The following PCSK6 variants were observed in gnomAD, a reference collection of about 807,000 sequenced individuals.
PCSK6 encodes paired basic amino acid cleaving enzyme 4.
A neutral mutation model predicts 123.3 loss-of-function variants in PCSK6; 85 were observed. The ratio of observed to expected loss-of-function variants is 0.69; its 90% CI spans 0.58 to 0.83. PCSK6 has a LOEUF of 0.83. Ranked by LOEUF, PCSK6 falls within the 40% of genes least tolerant of loss-of-function variation. PCSK6 has a pLI of 0.00. For synonymous variants in PCSK6, 508 were observed against 516.0 expected, an observed-to-expected ratio of 0.98 and a Z score of 0.21; for missense variants, 1,191 against 1,282.3, an observed-to-expected ratio of 0.93 and a Z score of 1.09.
At chr15:101,408,006 G>T (rs576165647) in intron 6 of PCSK6, among the ~76,000 whole-genome samples, 50 of 152,142 alleles carry the variant, frequency 3.3e-4, no homozygotes, top group Admixed American at 5.2e-4. Flanking sequence ...ACCCTTTCAC[G>T]GTCTCCCCGC....
intron 13 of PCSK6, chr15:101,347,847 C>T: frequency 2.3e-6 from 3 of 1,293,236 alleles, no homozygotes; most frequent in Non-Finnish European, 2.2e-6. Flanking sequence ...CCCAGGGCAA[C>T]AGGAGTGGAG....
intron 13 of PCSK6, among the ~76,000 whole-genome samples, chr15:101,335,929 G>T (rs570735395): frequency 3.3e-5 from 5 of 152,330 alleles, no homozygotes; most frequent in African/African-American, 1.2e-4. Flanking sequence ...ATGGAATACT[G>T]TAGGCAACTG....
chr15:101,453,832 G>T (rs2057102458), intron 1 of PCSK6, among the ~76,000 whole-genome samples: 1 of 152,184 alleles, frequency 6.6e-6, no homozygotes, highest in African/African-American at 2.4e-5. Flanking sequence ...GGGGAGAGAG[G>T]CTCCGGTACG....
intron 6 of PCSK6, among the ~76,000 whole-genome samples, chr15:101,409,418 T>C (rs1456392518): frequency 1.3e-5 from 2 of 152,036 alleles, no homozygotes; most frequent in East Asian, 3.9e-4. Context: ...ACCCCGTCTC[T>C]ACTAAAAAGG....
rs138711600 is a variant in PCSK6, at chr15:101,322,506, C to G, written c.2465+14G>C. On this transcript the variant is annotated intron_variant, in intron 18 of 21. Transcript: ENST00000611716. ...CACCGCCCTGACATTCCTCAGGTTT[C>G]GAGGGGGTTTTACCTGAATCCTTCT... 1.3e-6 allele frequency: 2 copies of G among 1,585,786 alleles called. No individual in the cohort carries two copies. Among genetic ancestry groups the G allele is most frequent in the East Asian group, 4.5e-5 (2 of 44,740 alleles).
intron 11 of PCSK6, among the ~76,000 whole-genome samples, chr15:101,374,129 C>T (rs2041665343): frequency 6.6e-6 from 1 of 152,176 alleles, no homozygotes; most frequent in African/African-American, 2.4e-5. Flanking sequence ...CACGCAGCCA[C>T]ATTTCAACGT....
intron 19 of PCSK6, among the ~76,000 whole-genome samples, chr15:101,316,875 T>C (rs991641933): frequency 1.3e-5 from 2 of 149,662 alleles, no homozygotes; most frequent in Non-Finnish European, 3.0e-5. Flanking sequence ...GGCACAGTAG[T>C]ATCATGGAAA....
At chr15:101,470,386 C>T (rs1052992087) in intron 1 of PCSK6, among the ~76,000 whole-genome samples, 1 of 152,058 alleles carries the variant, frequency 6.6e-6, no homozygotes, top group African/African-American at 2.4e-5. Flanking sequence ...TGTTTCCTTC[C>T]AAGTTTTCTG....
At chr15:101,472,727 A>G (rs1378892899) in intron 1 of PCSK6, among the ~76,000 whole-genome samples, 2 of 152,268 alleles carry the variant, frequency 1.3e-5, no homozygotes, top group African/African-American at 2.4e-5. Context: ...CCTCCAGGAA[A>G]GGAACCAATT....
intron 13 of PCSK6, among the ~76,000 whole-genome samples, chr15:101,362,088 C>A (rs2041243092): frequency 6.6e-6 from 1 of 151,056 alleles, no homozygotes; most frequent in South Asian, 2.1e-4. Context: ...TCCCAAGTAG[C>A]TGGGACTACA....
At chr15:101,444,071 C>T (rs1396883771) in intron 1 of PCSK6, among the ~76,000 whole-genome samples, 3 of 152,196 alleles carry the variant, frequency 2.0e-5, no homozygotes. Context: ...CCCATCCTCT[C>T]CACCCCATGG....
At chr15:101,399,397 G>T (rs1022217476) in intron 6 of PCSK6, among the ~76,000 whole-genome samples, 2 of 152,132 alleles carry the variant, frequency 1.3e-5, no homozygotes, top group African/African-American at 4.8e-5. Context: ...CTTGGACTTC[G>T]CTGGCCAGCT....
intron 17 of PCSK6, among the ~76,000 whole-genome samples, chr15:101,322,814 A>C (rs1404724484): frequency 6.6e-6 from 1 of 152,176 alleles, no homozygotes; most frequent in Admixed American, 6.5e-5. Context: ...TTCTGAGGTA[A>C]AAACGGTCCT....
chr15:101,454,394 T>G (rs1471431504), intron 1 of PCSK6, among the ~76,000 whole-genome samples: 1 of 151,918 alleles, frequency 6.6e-6, no homozygotes, highest in Non-Finnish European at 1.5e-5. Context: ...GCTGGTTGAG[T>G]GGATCGACAA....
At chr15:101,429,956 G>C (rs1356314630) in intron 5 of PCSK6, 31 bp downstream of exon 5, 5 of 1,566,438 alleles carry the variant, frequency 3.2e-6, no homozygotes, top group South Asian at 1.1e-5. Context: ...GAGGGGAAGA[G>C]AAGCCGGGGA....
chr15:101,403,902 G>C (rs2042690270), intron 6 of PCSK6, among the ~76,000 whole-genome samples: 2 of 152,122 alleles, frequency 1.3e-5, no homozygotes, highest in South Asian at 2.1e-4. Flanking sequence ...GTGCTTTTTA[G>C]TAGAAACGGG....
At chr15:101,383,299 CG>C (rs2041958799) in intron 10 of PCSK6, among the ~76,000 whole-genome samples, 1 of 149,654 alleles carries the variant, frequency 6.7e-6, no homozygotes, top group Non-Finnish European at 1.5e-5. Context: ...CCCAGCTACT[CG>C]GGAGGGATTA....
At chr15:101,438,649 C>T (rs766675761) in intron 2 of PCSK6, among the ~76,000 whole-genome samples, 14 of 152,212 alleles carry the variant, frequency 9.2e-5, no homozygotes, top group African/African-American at 2.9e-4. Flanking sequence ...GAACACTGAA[C>T]GCCCTCCCAA....
chr15:101,381,569 GT>G (rs759293739), intron 11 of PCSK6, among the ~76,000 whole-genome samples: 2 of 152,202 alleles, frequency 1.3e-5, no homozygotes, highest in Non-Finnish European at 2.9e-5. Context: ...GCTATGCTCT[GT>G]GAATAATAAG....
Sources: gnomAD v4.1 joint callset for allele counts (sites outside exome capture counted in the v4.1 genomes callset) on GRCh38, gnomAD v4.1.1 for gene constraint, MANE v1.5 for transcripts, NCBI Gene and HGNC (gene_info 2026-07-23, HGNC 2026-07-21) for gene names.